EBF1: variants seen among roughly 807,000 people sequenced by gnomAD.
EBF1 encodes the protein transcription factor COE1.
A neutral mutation model predicts 68.4 loss-of-function variants in EBF1; 10 were observed. The ratio of observed to expected loss-of-function variants is 0.15; its 90% CI spans 0.09 to 0.25. The LOEUF (loss-of-function observed/expected upper bound fraction) is 0.25. Among genes scored for constraint, EBF1 ranks in the 10% least tolerant of loss-of-function variants. The probability of loss-of-function intolerance (pLI) is 1.00; values close to 1 mark genes in which losing one functional copy is unlikely to be tolerated. For missense variants in EBF1, 509 were observed against 794.4 expected (o/e 0.64, Z 4.32); for synonymous variants, 298 against 299.8 (o/e 0.99, Z 0.06).
chr5:159,069,890 G>A (rs1777512624), intron 6 of EBF1, among the ~76,000 whole-genome samples: 2 of 152,082 alleles, frequency 1.3e-5, no homozygotes, highest in South Asian at 4.1e-4. Context: ...AGGACACAAG[G>A]ATATCCAATG....
intron 11 of EBF1, among the ~76,000 whole-genome samples, chr5:158,717,881 G>A (rs1761100703): frequency 6.6e-6 from 1 of 152,062 alleles, no homozygotes; most frequent in African/African-American, 2.4e-5. Flanking sequence ...GGCTTCACCT[G>A]TCTTGCTATG....
At chr5:158,938,202 CGATA>C (rs1561564941) in intron 6 of EBF1, among the ~76,000 whole-genome samples, 1 of 152,172 alleles carries the variant, frequency 6.6e-6, no homozygotes, top group African/African-American at 2.4e-5. Context: ...CATAAAATTG[CGATA>C]CTTTAACATA....
At chr5:158,961,328 GA>G (rs58123979) in intron 6 of EBF1, among the ~76,000 whole-genome samples, 1 of 151,474 alleles carries the variant, frequency 6.6e-6, no homozygotes, top group East Asian at 1.9e-4. Flanking sequence ...AAGCTTAAAG[GA>G]AAAAAAAATC....
intron 6 of EBF1, among the ~76,000 whole-genome samples, chr5:158,862,244 G>A (rs998559416): frequency 3.9e-5 from 6 of 152,106 alleles, no homozygotes; most frequent in Non-Finnish European, 8.8e-5. Flanking sequence ...CAAAGGTCAA[G>A]GTAACTTCAG....
intron 15 of EBF1, 107 bp from the exon 16 acceptor site, chr5:158,699,249 T>C: frequency 1.7e-6 from 2 of 1,153,966 alleles, no homozygotes; most frequent in Middle Eastern, 5.7e-4. Flanking sequence ...AACTATGTTG[T>C]TCGACTATTA....
At chr5:158,771,229 C>A (rs1332776745) in intron 10 of EBF1, among the ~76,000 whole-genome samples, 2 of 152,118 alleles carry the variant, frequency 1.3e-5, no homozygotes, top group African/African-American at 4.8e-5. Context: ...TTCTCACTTA[C>A]TTTTGGGGAG....
chr5:158,900,078 T>C (rs1327020633), intron 6 of EBF1, among the ~76,000 whole-genome samples: 1 of 152,160 alleles, frequency 6.6e-6, no homozygotes, highest in Non-Finnish European at 1.5e-5. Context: ...CCTCCAGATG[T>C]GTCTCATGCT....
intron 6 of EBF1, among the ~76,000 whole-genome samples, chr5:158,929,831 G>T (rs1203267756): frequency 6.6e-6 from 1 of 152,220 alleles, no homozygotes; most frequent in Non-Finnish European, 1.5e-5. Flanking sequence ...TTTTATGGGA[G>T]TTGCAGGAAA....
At chr5:158,866,425 T>C (rs1171644316) in intron 6 of EBF1, among the ~76,000 whole-genome samples, 1 of 152,196 alleles carries the variant, frequency 6.6e-6, no homozygotes, top group African/African-American at 2.4e-5. Context: ...AGCCTAATAT[T>C]TGACAGCTCT....
chr5:159,057,386 G>A (rs983288786), intron 6 of EBF1, among the ~76,000 whole-genome samples: 1 of 152,072 alleles, frequency 6.6e-6, no homozygotes, highest in African/African-American at 2.4e-5. Context: ...GGATTACTAA[G>A]CATGAGCCAC....
chr5:159,056,579 T>G (rs1347634274), intron 6 of EBF1, among the ~76,000 whole-genome samples: 1 of 152,202 alleles, frequency 6.6e-6, no homozygotes, highest in Non-Finnish European at 1.5e-5. Context: ...GACAAACCTC[T>G]TCGGGCTTAG....
intron 10 of EBF1, among the ~76,000 whole-genome samples, chr5:158,746,655 A>C (rs977835157): frequency 2.0e-5 from 3 of 152,172 alleles, no homozygotes; most frequent in African/African-American, 7.2e-5. Context: ...AGGAAAAAAA[A>C]AGTGACCTTC....
intron 10 of EBF1, among the ~76,000 whole-genome samples, chr5:158,734,725 G>A (rs896548459): frequency 1.3e-4 from 20 of 151,622 alleles, no homozygotes; most frequent in South Asian, 2.1e-4. Context: ...GAATCTGGTA[G>A]AGCAAGAAAA....
intron 6 of EBF1, among the ~76,000 whole-genome samples, chr5:158,871,832 T>C (rs1796925860): frequency 6.6e-6 from 1 of 152,168 alleles, no homozygotes. Context: ...GATCTCTTCC[T>C]ACAGCAATGC....
intron 8 of EBF1, among the ~76,000 whole-genome samples, chr5:158,799,664 G>A (rs1431875469): frequency 6.6e-6 from 1 of 152,170 alleles, no homozygotes; most frequent in Non-Finnish European, 1.5e-5. Context: ...ACAAGCATGA[G>A]ATTAATGGCC....
intron 8 of EBF1, among the ~76,000 whole-genome samples, chr5:158,809,098 C>T (rs1782131135): frequency 6.6e-6 from 1 of 152,178 alleles, no homozygotes; most frequent in Non-Finnish European, 1.5e-5. Context: ...CAACGCATCC[C>T]TTGCAGACAG....
chr5:158,945,426 T>C (rs973871483), intron 6 of EBF1, among the ~76,000 whole-genome samples: 1 of 152,166 alleles, frequency 6.6e-6, no homozygotes, highest in African/African-American at 2.4e-5. Context: ...GTTCCATTGG[T>C]CTATATATCT....
At chr5:159,091,043 C>T (rs956584342) in intron 4 of EBF1, among the ~76,000 whole-genome samples, 1 of 152,172 alleles carries the variant, frequency 6.6e-6, no homozygotes. Context: ...TCACCAATGT[C>T]CAAACACTCC....
intron 6 of EBF1, among the ~76,000 whole-genome samples, chr5:158,870,916 T>C (rs1796760671): frequency 6.6e-6 from 1 of 152,214 alleles, no homozygotes; most frequent in Non-Finnish European, 1.5e-5. Flanking sequence ...AAGATAGCTG[T>C]TTCCAAATAT....
Sources: allele counts gnomAD v4.1 joint callset (sites outside exome capture counted in the v4.1 genomes callset), GRCh38; gene constraint gnomAD v4.1.1; transcripts MANE v1.5; gene names NCBI Gene and HGNC (gene_info 2026-07-23, HGNC 2026-07-21).